AFF3: variants seen among roughly 807,000 people sequenced by gnomAD.
AFF3 encodes AF4/FMR2 family member 3.
A neutral mutation model predicts 129.7 loss-of-function variants in AFF3; 32 were observed. The ratio of observed to expected loss-of-function variants is 0.25; its 90% CI spans 0.19 to 0.33. The LOEUF is 0.33. Among genes scored for constraint, AFF3 ranks in the 10% least tolerant of loss-of-function variants. The probability of loss-of-function intolerance (pLI) is 1.00; values close to 1 mark genes in which losing one functional copy is unlikely to be tolerated. For synonymous variants in AFF3, 644 were observed against 635.4 expected, an observed-to-expected ratio of 1.01 and a Z score of -0.20; for missense variants, 1,373 against 1,592.0, an observed-to-expected ratio of 0.86 and a Z score of 2.34.
chr2:99,802,204 C>A (rs1416285925), intron 8 of AFF3, among the ~76,000 whole-genome samples: 1 of 152,154 alleles, frequency 6.6e-6, no homozygotes, highest in Middle Eastern at 3.2e-3. Flanking sequence ...CCAGTTATTT[C>A]ACATGACATG....
intron 7 of AFF3, among the ~76,000 whole-genome samples, chr2:99,867,011 T>TA (rs1381053100): frequency 1.4e-5 from 2 of 139,040 alleles, no homozygotes; most frequent in Admixed American, 7.2e-5. Context: ...AAAAAATAAA[T>TA]AAAATAAAAA....
At chr2:100,084,977 G>T (rs1689305609) in intron 4 of AFF3, among the ~76,000 whole-genome samples, 1 of 151,470 alleles carries the variant, frequency 6.6e-6, no homozygotes, top group Admixed American at 6.6e-5. Context: ...AAATATATTA[G>T]CATATTGCAT....
At chr2:99,681,743 C>T (rs58812363) in intron 11 of AFF3, among the ~76,000 whole-genome samples, 10,662 of 152,180 alleles carry the variant, frequency 0.07, 435 homozygotes, top group East Asian at 0.11. Flanking sequence ...CCCCGTCCCC[C>T]AGAACTGTGA....
intron 2 of AFF3, among the ~76,000 whole-genome samples, chr2:100,124,369 T>C (rs1692100326): frequency 6.6e-6 from 1 of 152,162 alleles, no homozygotes; most frequent in Non-Finnish European, 1.5e-5. Flanking sequence ...TGTGTCAGAG[T>C]ACCAAGGATA....
chr2:99,627,016 G>A (rs1575542486), intron 13 of AFF3, among the ~76,000 whole-genome samples: 1 of 152,106 alleles, frequency 6.6e-6, no homozygotes, highest in Admixed American at 6.5e-5. Flanking sequence ...CCATGTCTCT[G>A]CTATTGTGAA....
At chr2:99,684,268 A>G (rs2104582926) in intron 11 of AFF3, among the ~76,000 whole-genome samples, 1 of 152,258 alleles carries the variant, frequency 6.6e-6, no homozygotes, top group South Asian at 2.1e-4. Flanking sequence ...AATTTTAACA[A>G]CCTTATCCTA....
intron 4 of AFF3, among the ~76,000 whole-genome samples, chr2:100,064,995 A>C (rs1280315261): frequency 6.6e-6 from 1 of 152,232 alleles, no homozygotes; most frequent in Non-Finnish European, 1.5e-5. Context: ...CTATGCATTT[A>C]CCATAAAGCT....
At chr2:99,611,685 G>A (rs187038801) in intron 13 of AFF3, among the ~76,000 whole-genome samples, 236 of 152,146 alleles carry the variant, frequency 1.6e-3, no homozygotes, top group Non-Finnish European at 2.5e-3. Flanking sequence ...TCAGGAGTTC[G>A]AGAGCAGCCT....
chr2:100,007,293 T>A lies in AFF3; in HGVS notation c.342A>T (p.Ala114=). ...PVNKIDEHFV[A]DSRAQNQPSS... ...AGGGCTGGTTCTGGGCTCTTGAATC[T>A]GCAACAAAATGTTCATCGATCTTGT... The change falls in exon 6 of 25, where the codon GCA becomes GCT. Residue 114 remains alanine, a synonymous_variant. Coordinates refer to ENST00000672756, the MANE Select transcript of AFF3 (RefSeq NM_001386135.1). 6.2e-7 allele frequency: 1 copy of A among 1,614,140 alleles called. No individual in the cohort carries two copies. The highest frequency in any genetic ancestry group is 8.5e-7 in the Non-Finnish European group (1 of 1,180,010).
At chr2:99,676,594 A>G (rs1687625303) in intron 11 of AFF3, among the ~76,000 whole-genome samples, 1 of 152,160 alleles carries the variant, frequency 6.6e-6, no homozygotes, top group African/African-American at 2.4e-5. Flanking sequence ...CATTTTTACC[A>G]ATATTCCCTT....
Position 99,752,212 on chromosome 2 carries a change from A to G in AFF3, c.1002+9T>C, listed in dbSNP as rs758505363. ...AAACATATTCCTCCTGAGGGATGCA[A>G]GATCTCACCTTATTTGGAAATGGAA... On this transcript the variant is annotated intron_variant, in intron 9 of 24. Transcript: ENST00000672756. 6.2e-7 allele frequency: 1 copy of G among 1,605,664 alleles called. No homozygotes were observed. The highest frequency in any genetic ancestry group is 1.7e-5 in the Admixed American group (1 of 60,012).
chr2:99,672,504 C>T, intron 12 of AFF3, 34 bp downstream of exon 12: 1 of 1,608,820 alleles, frequency 6.2e-7, no homozygotes. Flanking sequence ...CCAGTGTCAC[C>T]TCCAAAGGAT....
intron 11 of AFF3, among the ~76,000 whole-genome samples, chr2:99,719,897 C>T (rs937640617): frequency 6.6e-6 from 1 of 152,056 alleles, no homozygotes; most frequent in Non-Finnish European, 1.5e-5. Flanking sequence ...ATTAGCCGGG[C>T]ATGGTGGCGG....
At chr2:100,106,208 A>AAATGT (rs1691281896) in intron 2 of AFF3, 1 of 1,187,246 alleles carries the variant, frequency 8.4e-7, no homozygotes, top group Admixed American at 3.6e-5. Context: ...CTAATGTGCA[A>AAATGT]AATGTAAAAC....
intron 7 of AFF3, among the ~76,000 whole-genome samples, chr2:99,988,142 T>C (rs1008889952): frequency 2.0e-5 from 3 of 151,996 alleles, no homozygotes; most frequent in Non-Finnish European, 4.4e-5. Context: ...GGATGATAGA[T>C]AGATGGTAGA....
intron 7 of AFF3, among the ~76,000 whole-genome samples, chr2:99,869,743 C>T (rs1691726486): frequency 6.6e-6 from 1 of 152,146 alleles, no homozygotes; most frequent in Non-Finnish European, 1.5e-5. Context: ...AGTATAACTA[C>T]AAAACCTTGT....
At chr2:100,108,038 C>G (rs11891517) in intron 2 of AFF3, among the ~76,000 whole-genome samples, 2,573 of 120,666 alleles carry the variant, frequency 0.021, 40 homozygotes, top group African/African-American at 0.047. Context: ...ATAGGAGCAT[C>G]ATCAAGCTGC....
chr2:100,057,999 G>A (rs1260724349), intron 4 of AFF3, among the ~76,000 whole-genome samples: 1 of 152,090 alleles, frequency 6.6e-6, no homozygotes, highest in Non-Finnish European at 1.5e-5. Context: ...AAAATAAAAT[G>A]ACATTAACTT....
At chr2:99,630,465 A>G (rs2177541) in intron 13 of AFF3, 130,511 of 152,290 alleles carry the variant, frequency 0.86, 56,053 homozygotes, top group East Asian at 0.93. Flanking sequence ...ATCAACAGGC[A>G]TGCTTTCACA....
Sources: allele counts gnomAD v4.1 joint callset (sites outside exome capture counted in the v4.1 genomes callset), GRCh38; gene constraint gnomAD v4.1.1; transcripts MANE v1.5; gene names NCBI Gene and HGNC (gene_info 2026-07-23, HGNC 2026-07-21).